Variants in ITGAE observed in about 807,000 individuals in gnomAD.
ITGAE encodes integrin subunit alpha E.
ITGAE carries 99 observed loss-of-function variants against 136.5 expected under a neutral mutation model. The observed-to-expected ratio is 0.73, with a 90% CI of 0.62 to 0.86. The LOEUF (loss-of-function observed/expected upper bound fraction) is 0.86, where lower values mean the gene tolerates loss of function less well. Among genes scored for constraint, ITGAE ranks in the 40% least tolerant of loss-of-function variants. The pLI is 0.00. For missense variants in ITGAE, 1,447 were observed against 1,515.3 expected, an observed-to-expected ratio of 0.95 and a Z score of 0.75; for synonymous variants, 613 against 591.8, an observed-to-expected ratio of 1.04 and a Z score of -0.52.
intron 26 of ITGAE, chr17:3,724,122 C>T (rs758580944): frequency 1.9e-6 from 3 of 1,594,754 alleles, no homozygotes; most frequent in South Asian, 2.2e-5. Flanking sequence ...GTCCGACGAT[C>T]CTGACGATCC....
At chr17:3,755,396 G>T in intron 11 of ITGAE, 135 bp from the exon 12 acceptor site, 2 of 1,040,820 alleles carry the variant, frequency 1.9e-6, no homozygotes, top group Non-Finnish European at 2.7e-6. Context: ...TGCCCGCCTG[G>T]CCAGAGATGC....
chr17:3,719,057 TCC>T (rs2050995003), intron 29 of ITGAE, among the ~76,000 whole-genome samples: 1 of 151,108 alleles, frequency 6.6e-6, no homozygotes, highest in Non-Finnish European at 1.5e-5. Flanking sequence ...CATGGTGAAA[TCC>T]TGTCTCTATT....
intron 2 of ITGAE, among the ~76,000 whole-genome samples, chr17:3,777,013 T>A (rs983162561): frequency 6.7e-6 from 1 of 148,978 alleles, no homozygotes; most frequent in East Asian, 2.0e-4. Flanking sequence ...CAGGCTGGAG[T>A]GCAGTGGCGC....
chr17:3,716,646 A>G lies in ITGAE; in HGVS notation c.3444+42T>C, dbSNP rs367915381. On this transcript the variant is annotated intron_variant, in intron 30 of 30. Coordinates refer to ENST00000263087, the MANE Select transcript of ITGAE (RefSeq NM_002208.5). ...TAAGGAGTTCTGTGCCCAAAACTAG[A>G]GCCCAGTCTTCCCTCACTGTGATGC... 2.9e-5 allele frequency: 35 copies of G among 1,201,196 alleles called. No individual in the cohort carries two copies. In the African/African-American group the frequency reaches 4.4e-4, roughly 15 times the overall value. The allele number at this position is 1,201,196 out of a possible 1,614,324, so 74.4% of individuals were successfully genotyped here. A position where few individuals can be genotyped will look rare whatever the true frequency, so the allele number is the denominator to read the frequency against.
intron 1 of ITGAE, among the ~76,000 whole-genome samples, chr17:3,786,943 G>A (rs1458107233): frequency 2.0e-5 from 3 of 150,148 alleles, no homozygotes; most frequent in East Asian, 1.9e-4. Context: ...AGTTCATTTC[G>A]GAAATGGAAG....
At chr17:3,746,458 T>C (rs2051716490) in intron 17 of ITGAE, among the ~76,000 whole-genome samples, 2 of 151,476 alleles carry the variant, frequency 1.3e-5, no homozygotes, top group African/African-American at 4.8e-5. Flanking sequence ...TTTTCTTTTT[T>C]CTTTTTTTTT....
At chr17:3,747,574 G>C (rs543150705) in intron 17 of ITGAE, among the ~76,000 whole-genome samples, 1 of 152,292 alleles carries the variant, frequency 6.6e-6, no homozygotes, top group South Asian at 2.1e-4. Flanking sequence ...CTCCCAAAGT[G>C]CTGGGATTAC....
At chr17:3,757,633 A>G in intron 9 of ITGAE, 73 bp downstream of exon 9, 1 of 1,532,170 alleles carries the variant, frequency 6.5e-7, no homozygotes, top group Non-Finnish European at 8.9e-7. Flanking sequence ...AAAAGCCCCC[A>G]TCGACAACCC....
chr17:3,777,134 C>T (rs1244070177), intron 2 of ITGAE, among the ~76,000 whole-genome samples: 2 of 151,940 alleles, frequency 1.3e-5, no homozygotes, highest in Non-Finnish European at 2.9e-5. Flanking sequence ...CTAATTTTTT[C>T]TATTTTTTAG....
chr17:3,757,642 C>A (rs1050232260), intron 9 of ITGAE, 64 bp downstream of exon 9: 1 of 1,574,558 alleles, frequency 6.4e-7, no homozygotes, highest in Non-Finnish European at 8.7e-7. Flanking sequence ...CATCGACAAC[C>A]CTGGCTTCTC....
chr17:3,734,156 C>T (rs1012386576), intron 21 of ITGAE, among the ~76,000 whole-genome samples: 18 of 152,332 alleles, frequency 1.2e-4, no homozygotes, highest in Non-Finnish European at 2.1e-4. Context: ...CTGCAAGCTC[C>T]GCCTCCCGGG....
intron 2 of ITGAE, among the ~76,000 whole-genome samples, chr17:3,769,799 T>G (rs971926959): frequency 6.6e-6 from 1 of 151,992 alleles, no homozygotes; most frequent in Non-Finnish European, 1.5e-5. Flanking sequence ...TTCTCCTGCC[T>G]TAGCCTCTGC....
intron 15 of ITGAE, among the ~76,000 whole-genome samples, chr17:3,751,388 G>A (rs2051861486): frequency 6.6e-6 from 1 of 151,772 alleles, no homozygotes; most frequent in African/African-American, 2.4e-5. Flanking sequence ...GAAGGAGACA[G>A]GTACCGCCAC....
intron 19 of ITGAE, among the ~76,000 whole-genome samples, chr17:3,740,905 G>A (rs980306277): frequency 1.3e-5 from 2 of 152,108 alleles, no homozygotes; most frequent in Non-Finnish European, 2.9e-5. Context: ...TGGCCACCTC[G>A]GCAGCTGTCT....
chr17:3,745,725 A>G, intron 18 of ITGAE, 39 bp downstream of exon 18: 1 of 1,599,490 alleles, frequency 6.3e-7, no homozygotes, highest in Middle Eastern at 1.7e-4. Context: ...CTCAATGACA[A>G]AGACCCCTCC....
intron 1 of ITGAE, among the ~76,000 whole-genome samples, chr17:3,780,625 G>A (rs2052646552): frequency 6.6e-6 from 1 of 152,116 alleles, no homozygotes; most frequent in Non-Finnish European, 1.5e-5. Context: ...TAGAGACGGA[G>A]TTTCTCCATT....
At chr17:3,728,058 G>A (rs372231281) in intron 25 of ITGAE, 32 bp from the exon 26 acceptor site, 2 of 1,602,246 alleles carry the variant, frequency 1.2e-6, no homozygotes, top group African/African-American at 2.7e-5. Flanking sequence ...GGAAATCAAA[G>A]CTGGTATTGC....
chr17:3,732,858 G>T (rs1192241938), intron 21 of ITGAE, among the ~76,000 whole-genome samples: 2 of 152,178 alleles, frequency 1.3e-5, no homozygotes. Flanking sequence ...GCACTGCCAC[G>T]TAGCCACCAG....
chr17:3,752,759 A>G (rs1178621345), intron 14 of ITGAE, among the ~76,000 whole-genome samples: 1 of 151,172 alleles, frequency 6.6e-6, no homozygotes, highest in Non-Finnish European at 1.5e-5. Context: ...TCGGAAAAAA[A>G]AAAAAAAATG....
Sources: allele counts gnomAD v4.1 joint callset (sites outside exome capture counted in the v4.1 genomes callset), GRCh38; gene constraint gnomAD v4.1.1; transcripts MANE v1.5; gene names NCBI Gene and HGNC (gene_info 2026-07-23, HGNC 2026-07-21).